SPATA22: variants seen among roughly 807,000 people sequenced by gnomAD.
The protein encoded by SPATA22 is spermatogenesis-associated protein 22.
Under a neutral mutation model 47.8 loss-of-function variants are expected in SPATA22, and 29 were observed. The observed-to-expected ratio is 0.61, with a 90% confidence interval of 0.45 to 0.83. The LOEUF (loss-of-function observed/expected upper bound fraction) is 0.83. Ranked by LOEUF, SPATA22 falls within the 40% of genes least tolerant of loss-of-function variation. The pLI is 0.00. For synonymous variants in SPATA22, 133 were observed against 140.9 expected (o/e 0.94, Z 0.40); for missense variants, 410 against 421.7 (o/e 0.97, Z 0.24).
At chr17:3,464,887 G>A (rs1415631610) in intron 3 of SPATA22, among the ~76,000 whole-genome samples, 1 of 96,824 alleles carries the variant, frequency 1.0e-5, no homozygotes, top group Non-Finnish European at 2.7e-5. Context: ...TGGGAGGGGG[G>A]TGGGGGGGGG....
rs1040416771 is a variant in SPATA22, at chr17:3,470,577, G to A, written c.-74+1105C>T. On this transcript the variant is annotated intron_variant, in intron 1 of 8. Coordinates refer to ENST00000572969, the MANE Select transcript of SPATA22 (RefSeq NM_001170698.2). ...ATCCTGGCTAACAGAGGGAAACCCC[G>A]TCTCTACTAAAAAATACAAAAAAAT... Among the ~76,000 whole-genome samples the A allele has an allele frequency of 7.2e-5, 11 of 151,894 alleles. No individual in the cohort carries two copies. The East Asian group carries it at 1.9e-3, about 27-fold the overall frequency.
At chr17:3,501,952 C>CAA (rs35886989) in intron 1 of SPATA22, 13 of 147,406 alleles carry the variant, frequency 8.8e-5, no homozygotes, top group African/African-American at 3.4e-4. Flanking sequence ...GCCTCCATCT[C>CAA]AAAAAAAAAA....
upstream of SPATA22, chr17:3,475,573 A>T (rs2073508971): frequency 6.5e-6 from 1 of 153,530 alleles, no homozygotes. Context: ...ATTCTGAAAG[A>T]ATGGGCGCCG....
chr17:3,471,097 G>T (rs1436653944), intron 1 of SPATA22, among the ~76,000 whole-genome samples: 1 of 151,970 alleles, frequency 6.6e-6, no homozygotes, highest in East Asian at 1.9e-4. Context: ...GGAGGTTGCA[G>T]TGAGCCGAGA....
At chr17:3,468,591 A>G (rs1311914306) in intron 2 of SPATA22, among the ~76,000 whole-genome samples, 6 of 152,206 alleles carry the variant, frequency 3.9e-5, no homozygotes, top group Non-Finnish European at 7.3e-5. Flanking sequence ...TCTTTGTGCC[A>G]ATATGACATA....
chr17:3,491,225 T>C (rs896567448), intron 1 of SPATA22, among the ~76,000 whole-genome samples: 1 of 152,218 alleles, frequency 6.6e-6, no homozygotes. Context: ...TTAACAATTG[T>C]TTAAACCAAA....
intron 3 of SPATA22, among the ~76,000 whole-genome samples, chr17:3,463,402 C>T (rs2073175019): frequency 2.0e-5 from 3 of 152,192 alleles, no homozygotes; most frequent in Non-Finnish European, 4.4e-5. Flanking sequence ...TGTTACTGTA[C>T]TCAATACCAC....
At chr17:3,505,828 G>A (rs1276487245) in intron 1 of SPATA22, among the ~76,000 whole-genome samples, 5 of 150,608 alleles carry the variant, frequency 3.3e-5, no homozygotes, top group African/African-American at 1.2e-4. Flanking sequence ...CATGATCTCC[G>A]CTCACTGTAG....
At chr17:3,469,243 T>C (rs1672519022) in intron 2 of SPATA22, 40 bp downstream of exon 2, 1 of 901,396 alleles carries the variant, frequency 1.1e-6, no homozygotes, top group East Asian at 2.6e-5. Flanking sequence ...AAGCTTTATA[T>C]GCTATACAGA....
chr17:3,513,753 C>T, exon 1 of SPATA22: 1 of 544,260 alleles, frequency 1.8e-6, no homozygotes, highest in Non-Finnish European at 3.3e-6. Context: ...TTGACAACTG[C>T]CCCTCAGTTC....
At chr17:3,467,378 T>A (rs749281835) in intron 3 of SPATA22, 48 bp downstream of exon 3, 1 of 1,412,408 alleles carries the variant, frequency 7.1e-7, no homozygotes, top group Admixed American at 2.2e-5. Flanking sequence ...TTTTCTATAA[T>A]CCTAGTTTTG....
chr17:3,464,803 G>C (rs2073242156), intron 3 of SPATA22, among the ~76,000 whole-genome samples: 1 of 140,482 alleles, frequency 7.1e-6, no homozygotes, highest in Non-Finnish European at 1.6e-5. Context: ...CGTCTGAGAA[G>C]TGAGGAGCCC....
At chr17:3,474,132 T>G (rs1261947234), upstream of SPATA22, 1 of 152,196 alleles carries the variant, frequency 6.6e-6, no homozygotes, top group Non-Finnish European at 1.5e-5. Flanking sequence ...TTTTTCCTAA[T>G]AAAGCTTTCC....
intron 1 of SPATA22, among the ~76,000 whole-genome samples, chr17:3,508,226 C>G (rs909906808): frequency 6.6e-6 from 1 of 151,680 alleles, no homozygotes; most frequent in Non-Finnish European, 1.5e-5. Flanking sequence ...GTTAGAATGG[C>G]AATCATTAAA....
intron 5 of SPATA22, among the ~76,000 whole-genome samples, chr17:3,454,301 T>A (rs890780480): frequency 2.6e-5 from 4 of 151,190 alleles, no homozygotes; most frequent in Admixed American, 6.6e-5. Context: ...TTTATTTATT[T>A]TTATTATTAT....
At chr17:3,457,997 T>C (rs184927638) in intron 5 of SPATA22, among the ~76,000 whole-genome samples, 4 of 152,234 alleles carry the variant, frequency 2.6e-5, no homozygotes, top group African/African-American at 7.2e-5. Context: ...ACTAAAGAGC[T>C]TCTGCACAGT....
chr17:3,491,909 A>C (rs148831884), intron 1 of SPATA22, among the ~76,000 whole-genome samples: 1,548 of 116,314 alleles, frequency 0.013, 34 homozygotes, highest in African/African-American at 0.048. Context: ...ACAGGGTCTC[A>C]CTCTGTTGCC....
chr17:3,447,010 C>T (rs536646100), intron 6 of SPATA22, among the ~76,000 whole-genome samples: 7 of 152,216 alleles, frequency 4.6e-5, no homozygotes, highest in Non-Finnish European at 7.4e-5. Context: ...GCACCTACTA[C>T]ATGCCAAACA....
At chr17:3,446,732 G>C in intron 6 of SPATA22, 131 bp from the exon 7 acceptor site, 1 of 717,682 alleles carries the variant, frequency 1.4e-6, no homozygotes, top group East Asian at 3.0e-5. Flanking sequence ...GAAAATTTTA[G>C]TATAGTTACT....
Sources: gnomAD v4.1 joint callset for allele counts (sites outside exome capture counted in the v4.1 genomes callset) on GRCh38, gnomAD v4.1.1 for gene constraint, MANE v1.5 for transcripts, NCBI Gene and HGNC (gene_info 2026-07-23, HGNC 2026-07-21) for gene names.